The following ARID1A variants were observed in gnomAD, a reference collection of about 807,000 sequenced individuals.
The protein encoded by ARID1A is AT-rich interaction domain 1A.
ARID1A carries 20 observed loss-of-function variants against 212.6 expected under a neutral mutation model. The observed-to-expected ratio is 0.09, with a 90% CI of 0.07 to 0.14. The LOEUF (loss-of-function observed/expected upper bound fraction) is 0.14. ARID1A is among the 10% of genes least tolerant of loss of function. The probability of loss-of-function intolerance (pLI) is 1.00; values close to 1 mark genes in which losing one functional copy is unlikely to be tolerated. For missense variants in ARID1A, 2,587 were observed against 3,059.0 expected (o/e 0.85, Z 3.64); for synonymous variants, 1,376 against 1,222.1 (o/e 1.13, Z -2.63).
At chr1:26,768,110 C>T in intron 11 of ARID1A, 111 bp downstream of exon 11, 1 of 1,222,004 alleles carries the variant, frequency 8.2e-7, no homozygotes, top group Non-Finnish European at 1.1e-6. Flanking sequence ...CATCCCCTCT[C>T]CCGCTTTCTG....
intron 1 of ARID1A, among the ~76,000 whole-genome samples, chr1:26,710,516 C>CACACACACAG (rs2080442688): frequency 6.6e-6 from 1 of 151,316 alleles, no homozygotes; most frequent in Non-Finnish European, 1.5e-5. Context: ...CACACACACA[C>CACACACACAG]ACACACACAC....
Position 26,729,763 on chromosome 1 carries a change from A to C in ARID1A, c.1250A>C (p.Tyr417Ser). The C allele has an allele frequency of 1.2e-6, 2 of 1,614,236 alleles. No individual in the cohort carries two copies. The highest frequency in any genetic ancestry group is 2.2e-5 in the South Asian group (2 of 91,086). ...TCAGGACCGCAGCAAGGACATGGGT[A>C]CCCAGGGCAGCCATACGGGTCCCAG... ...PPSGPQQGHGYPGQPYGSQTP... is the reference protein window; with the variant it reads ...PPSGPQQGHGSPGQPYGSQTP... Residue 417 changes from tyrosine (Y) to serine (S), a missense_variant, in exon 2 of 20, where the codon TAC becomes TCC. This residue lies in a region of ARID1A where 674 missense variants were observed against 813.4 expected (regional missense o/e 0.83). Transcript: ENST00000324856.
chr1:26,696,091 T>A lies in ARID1A; in HGVS notation c.-313T>A. 1 of 442,982 alleles carries A rather than the reference T, an allele frequency of 2.3e-6. No homozygotes were observed. Among genetic ancestry groups the A allele is most frequent in the Non-Finnish European group, 3.1e-6 (1 of 323,794 alleles). The allele number at this position is 442,982 out of a possible 1,614,324, so 27.4% of individuals were successfully genotyped here. A position where few individuals can be genotyped will look rare whatever the true frequency, so the allele number is the denominator to read the frequency against. Reference sequence around the variant, plus strand: ...GGGAGCGGAGCCTCCACCGCCCCCCTCATTCCCAGGCAAGGGCTTGGGGGG... The same window carrying A: ...GGGAGCGGAGCCTCCACCGCCCCCCACATTCCCAGGCAAGGGCTTGGGGGG... On this transcript the variant is annotated 5_prime_UTR_variant, in exon 1 of 20. Transcript: ENST00000324856.
At chr1:26,777,314 A>C (rs1352452789) in intron 19 of ARID1A, among the ~76,000 whole-genome samples, 1 of 151,906 alleles carries the variant, frequency 6.6e-6, no homozygotes, top group Non-Finnish European at 1.5e-5. Flanking sequence ...TCAACTTCCG[A>C]GGCTCAGGTG....
At chr1:26,770,367 A>G (rs544130827) in intron 11 of ARID1A, 6 of 152,306 alleles carry the variant, frequency 3.9e-5, no homozygotes, top group African/African-American at 1.4e-4. Context: ...AAATATGAGT[A>G]AATCCCAAGT....
chr1:26,774,963 A>G lies in ARID1A; in HGVS notation c.4736A>G (p.Gln1579Arg), dbSNP rs763065019. The G allele has an allele frequency of 5.0e-6, 7 of 1,395,888 alleles. No homozygotes were observed. In the East Asian group the frequency reaches 2.2e-4, roughly 44 times the overall value. The allele number at this position is 1,395,888 out of a possible 1,614,324, so 86.5% of individuals were successfully genotyped here. Residue 1579 changes from glutamine to arginine, a missense_variant, in exon 18 of 20, where the codon CAG (glutamine) becomes CGG (arginine). Around this residue, in one of 11 missense-constraint regions of ARID1A, gnomAD observed 890 missense variants for 1,098.2 expected, o/e 0.81. Coordinates refer to ENST00000324856, the MANE Select transcript of ARID1A (RefSeq NM_006015.6). The surrounding 1 kb of genome is among the most constrained non-coding windows in gnomAD (Gnocchi z 5.6). Reference sequence around the variant, plus strand: ...AACTACCAGCCCCCACCAAGCATGCAGAATCACATTCCTCAGGTATCCAGC... The same window carrying G: ...AACTACCAGCCCCCACCAAGCATGCGGAATCACATTCCTCAGGTATCCAGC... ...PSNYQPPPSM[Q>R]NHIPQVSSPA...
At chr1:26,736,342 A>G (rs78671523) in intron 4 of ARID1A, among the ~76,000 whole-genome samples, 1 of 148,436 alleles carries the variant, frequency 6.7e-6, no homozygotes. Flanking sequence ...AAAAAAAAAA[A>G]AGTATAGCTG....
At chr1:26,730,159 A>G (rs973676249) in intron 2 of ARID1A, among the ~76,000 whole-genome samples, 11 of 152,344 alleles carry the variant, frequency 7.2e-5, no homozygotes, top group African/African-American at 2.6e-4. Flanking sequence ...GATGAAAGGC[A>G]GTGGCTGAAC....
intron 4 of ARID1A, among the ~76,000 whole-genome samples, chr1:26,759,741 C>G (rs1042778572): frequency 1.3e-5 from 2 of 152,104 alleles, no homozygotes; most frequent in African/African-American, 4.8e-5. Context: ...TAACTGAAGA[C>G]AAGCAAAGCC....
At chr1:26,750,944 T>C (rs2080878804) in intron 4 of ARID1A, among the ~76,000 whole-genome samples, 1 of 151,874 alleles carries the variant, frequency 6.6e-6, no homozygotes, top group African/African-American at 2.4e-5. Context: ...AGGCTGAAAG[T>C]TATAGCAAGA....
At position 26,773,622 on chromosome 1, in the gene ARID1A, G is replaced by A. The variant is rs139187791; in HGVS notation, c.3909G>A (p.Gly1303=). Residue 1303 remains glycine, a synonymous_variant, in exon 16 of 20, where the codon GGG becomes GGA. Coordinates refer to ENST00000324856, the MANE Select transcript of ARID1A (RefSeq NM_006015.6). ...GGCCTGAGGGAAACATGAGCACTGG[G>A]GCCCCACAGCCGAATCTCATGCCTT... ...GIGPEGNMST[G]APQPNLMPSN... is the part of the protein sequence containing the mutation. The A allele has an allele frequency of 1.1e-5, 18 of 1,614,050 alleles. No homozygotes were observed. The highest frequency in any genetic ancestry group is 1.3e-5 in the African/African-American group (1 of 74,908).
Position 26,773,672 on chromosome 1 carries a change from C to T in ARID1A, c.3959C>T (p.Ser1320Phe). 6.2e-7 allele frequency: 1 copy of T among 1,614,160 alleles called. No individual in the cohort carries two copies. The highest frequency in any genetic ancestry group is 8.5e-7 in the Non-Finnish European group (1 of 1,180,000). Residue 1320 changes from serine to phenylalanine, a missense_variant, in exon 16 of 20, where the codon TCT becomes TTT. By Grantham distance (155) the Ser-to-Phe change is radical. Transcript: ENST00000324856. Reference protein sequence around the residue: ...MPSNPDSGMYSPSRYPPQQQQ... With the variant: ...MPSNPDSGMYFPSRYPPQQQQ... ...TCCAACCCAGACTCGGGGATGTATTCTCCTAGCCGCTACCCCCCGCAGCAG... is the reference window on the plus strand; with the variant it reads ...TCCAACCCAGACTCGGGGATGTATTTTCCTAGCCGCTACCCCCCGCAGCAG...
rs768302696 is a variant in ARID1A, at chr1:26,729,811, C to T, written c.1298C>T (p.Thr433Ile). The change falls in exon 2 of 20, where the codon ACC (threonine) becomes ATC (isoleucine). Residue 433 changes from threonine to isoleucine, a missense_variant. Around this residue, in one of 11 missense-constraint regions of ARID1A, gnomAD observed 674 missense variants for 813.4 expected, o/e 0.83. Transcript: ENST00000324856. ...GSQTPQRYPM[T>I]MQGRAQSAMG... is the part of the protein sequence containing the mutation. ...CAGACCCCGCAGCGGTACCCGATGA[C>T]CATGCAGGGCCGGGCGCAGAGTGCC... 6.2e-7 allele frequency: 1 copy of T among 1,614,236 alleles called. No individual in the cohort carries two copies. Among genetic ancestry groups the T allele is most frequent in the East Asian group, 2.2e-5 (1 of 44,886 alleles).
chr1:26,731,452 T>A lies in ARID1A; in HGVS notation c.1651T>A (p.Tyr551Asn), dbSNP rs2080676105. The A allele has an allele frequency of 6.2e-7, 1 of 1,613,012 alleles. No homozygotes were observed. Among genetic ancestry groups the A allele is most frequent in the Non-Finnish European group, 8.5e-7 (1 of 1,179,792 alleles). Residue 551 changes from tyrosine to asparagine, a missense_variant, in exon 3 of 20, where the codon TAC (tyrosine) becomes AAC (asparagine). Physicochemically the swap from Tyr to Asn is moderately radical, Grantham distance 143 (BLOSUM62 -2). This residue lies in a region of ARID1A where 674 missense variants were observed against 813.4 expected (regional missense o/e 0.83). Coordinates refer to ENST00000324856, the MANE Select transcript of ARID1A (RefSeq NM_006015.6). ...TQQHPQSQPP[Y>N]SQPQAQSPYQ... Reference sequence around the variant, plus strand: ...GCAGCACCCCCAGAGCCAGCCCCCCTACTCACAGCCACAGGCTCAGTCTCC... The same window carrying A: ...GCAGCACCCCCAGAGCCAGCCCCCCAACTCACAGCCACAGGCTCAGTCTCC...
chr1:26,717,707 A>G (rs2080516821), intron 1 of ARID1A, among the ~76,000 whole-genome samples: 1 of 152,216 alleles, frequency 6.6e-6, no homozygotes, highest in South Asian at 2.1e-4. Flanking sequence ...AAATAAGTGA[A>G]TCATATATAT....
chr1:26,718,945 CT>C, intron 1 of ARID1A, among the ~76,000 whole-genome samples: 1 of 152,316 alleles, frequency 6.6e-6, no homozygotes, highest in South Asian at 2.1e-4. Flanking sequence ...TGGTCTCTCT[CT>C]TTCAAAATAT....
At chr1:26,760,515 C>T (rs899654110) in intron 4 of ARID1A, among the ~76,000 whole-genome samples, 3 of 151,812 alleles carry the variant, frequency 2.0e-5, no homozygotes, top group South Asian at 4.2e-4. Context: ...TGGAGAAAAC[C>T]CGTCTCTACT....
intron 1 of ARID1A, among the ~76,000 whole-genome samples, chr1:26,713,008 C>T (rs1418212075): frequency 2.0e-5 from 3 of 152,190 alleles, no homozygotes; most frequent in Admixed American, 6.5e-5. Flanking sequence ...TTCCTCCTGC[C>T]TGAGAAGCGT....
At chr1:26,738,871 C>A (rs962287134) in intron 4 of ARID1A, among the ~76,000 whole-genome samples, 1 of 141,016 alleles carries the variant, frequency 7.1e-6, no homozygotes, top group African/African-American at 2.7e-5. Flanking sequence ...TGTAACTTTT[C>A]TTTTGTTTTT....
Sources: allele counts gnomAD v4.1 joint callset (sites outside exome capture counted in the v4.1 genomes callset), GRCh38; gene constraint gnomAD v4.1.1; regional missense constraint gnomAD v4.1.1; non-coding constraint Gnocchi (gnomAD v3.1); transcripts MANE v1.5; gene names NCBI Gene and HGNC (gene_info 2026-07-23, HGNC 2026-07-21).